CDH23: variants seen among roughly 807,000 people sequenced by gnomAD.
The protein encoded by CDH23 is cadherin related 23.
CDH23 carries 189 observed loss-of-function variants against 317.1 expected under a neutral mutation model. That is an observed-to-expected ratio of 0.60 (90% CI 0.53 to 0.67). The LOEUF (loss-of-function observed/expected upper bound fraction) is 0.67, where lower values mean the gene tolerates loss of function less well. Ranked by LOEUF, CDH23 falls within the 30% of genes least tolerant of loss-of-function variation. CDH23 has a pLI of 0.00. For missense variants in CDH23, 4,401 were observed against 4,592.4 expected, an observed-to-expected ratio of 0.96 and a Z score of 1.20; for synonymous variants, 1,839 against 1,876.8, an observed-to-expected ratio of 0.98 and a Z score of 0.52.
chr10:71,751,114 G>A lies in CDH23; in HGVS notation c.4845+9193G>A. On this transcript the variant is annotated intron_variant, in intron 38 of 69. Transcript: ENST00000224721. The surrounding 1 kb of genome is among the most constrained non-coding windows in gnomAD (Gnocchi z 4.9). Reference sequence around the variant, plus strand: ...AGAGGGGTTGAGGGGCTGGGCTTCTGGGATGTCACAGTATCTGAGCCCAGA... The same window carrying A: ...AGAGGGGTTGAGGGGCTGGGCTTCTAGGATGTCACAGTATCTGAGCCCAGA... The A allele has an allele frequency of 9.8e-7, 1 of 1,020,202 alleles. No homozygotes were observed. 63.2% of individuals were successfully genotyped at this position (1,020,202 alleles called of 1,614,324 possible).
intron 3 of CDH23, among the ~76,000 whole-genome samples, chr10:71,470,864 T>A (rs550145858): frequency 1.3e-5 from 2 of 152,360 alleles, no homozygotes; most frequent in East Asian, 3.9e-4. Flanking sequence ...ATTTTCCTAA[T>A]GATTAATGAT....
intron 38 of CDH23, among the ~76,000 whole-genome samples, chr10:71,776,163 C>A (rs1840812426): frequency 6.6e-6 from 1 of 152,212 alleles, no homozygotes; most frequent in South Asian, 2.1e-4. Context: ...CTTTTCAAGG[C>A]TGCCAACCCT....
chr10:71,784,201 T>TGG, intron 41 of CDH23, 86 bp from the exon 42 acceptor site: 1 of 1,451,426 alleles, frequency 6.9e-7, no homozygotes, highest in South Asian at 1.4e-5. Context: ...CGAGTGAGGC[T>TGG]TGCTAGAGGA....
At chr10:71,624,000 T>C (rs1861591057) in intron 11 of CDH23, among the ~76,000 whole-genome samples, 1 of 152,218 alleles carries the variant, frequency 6.6e-6, no homozygotes, top group Non-Finnish European at 1.5e-5. Flanking sequence ...TGTGCCTCAG[T>C]GTCTGCCTCT....
At chr10:71,495,312 ACCT>A (rs1012832023) in intron 3 of CDH23, among the ~76,000 whole-genome samples, 7 of 151,498 alleles carry the variant, frequency 4.6e-5, no homozygotes, top group African/African-American at 1.7e-4. Context: ...GACTTTTCTG[ACCT>A]CCTTCGCGGC....
intron 60 of CDH23, among the ~76,000 whole-genome samples, chr10:71,808,907 C>T (rs934625179): frequency 2.0e-5 from 3 of 152,166 alleles, no homozygotes; most frequent in Admixed American, 6.5e-5. Context: ...TCTTTGCCTT[C>T]GGATATCCCT....
At chr10:71,665,189 C>T (rs1217967215) in intron 14 of CDH23, among the ~76,000 whole-genome samples, 1 of 152,308 alleles carries the variant, frequency 6.6e-6, no homozygotes, top group East Asian at 1.9e-4. Context: ...TCAACATTCA[C>T]CCAGGTGCTC....
chr10:71,498,481 G>T (rs1291484736), intron 3 of CDH23, among the ~76,000 whole-genome samples: 1 of 152,232 alleles, frequency 6.6e-6, no homozygotes, highest in African/African-American at 2.4e-5. Context: ...AGTGTGCAGT[G>T]TGATAGATAT....
chr10:71,492,281 A>C (rs913678469), intron 3 of CDH23, among the ~76,000 whole-genome samples: 1 of 152,176 alleles, frequency 6.6e-6, no homozygotes, highest in Non-Finnish European at 1.5e-5. Context: ...CAGTTCCATG[A>C]TGTGGGGCCT....
At chr10:71,673,414 A>G (rs910845884) in intron 14 of CDH23, among the ~76,000 whole-genome samples, 3 of 152,354 alleles carry the variant, frequency 2.0e-5, no homozygotes, top group Admixed American at 6.5e-5. Flanking sequence ...AAGACCATGC[A>G]TTGATGACCA....
intron 11 of CDH23, among the ~76,000 whole-genome samples, chr10:71,636,516 A>G (rs1862285456): frequency 6.6e-6 from 1 of 152,174 alleles, no homozygotes; most frequent in South Asian, 2.1e-4. Flanking sequence ...CTCAGAGAAA[A>G]GAAAGAGCAC....
intron 6 of CDH23, among the ~76,000 whole-genome samples, chr10:71,523,841 G>A (rs1476905874): frequency 2.0e-5 from 3 of 152,190 alleles, no homozygotes; most frequent in African/African-American, 7.2e-5. Context: ...GGCTGGCGGG[G>A]TCTCATCCCG....
chr10:71,467,122 G>A (rs1851292045), intron 3 of CDH23, among the ~76,000 whole-genome samples: 2 of 152,100 alleles, frequency 1.3e-5, no homozygotes, highest in Admixed American at 6.5e-5. Flanking sequence ...TGGGCACAAG[G>A]CAGAATGGCT....
chr10:71,747,707 G>A (rs1344065053), intron 38 of CDH23: 1 of 152,386 alleles, frequency 6.6e-6, no homozygotes, highest in East Asian at 1.9e-4. Flanking sequence ...GTGAAAGTGT[G>A]TTGGAAAGCA....
At chr10:71,698,983 C>T (rs1468923474) in intron 22 of CDH23, among the ~76,000 whole-genome samples, 1 of 152,162 alleles carries the variant, frequency 6.6e-6, no homozygotes, top group Non-Finnish European at 1.5e-5. Flanking sequence ...TAGTAAGAGT[C>T]CCCACCCGAT....
chr10:71,506,530 C>T (rs1034567238), intron 3 of CDH23, among the ~76,000 whole-genome samples: 1 of 152,174 alleles, frequency 6.6e-6, no homozygotes, highest in Non-Finnish European at 1.5e-5. Flanking sequence ...AGATGGTTCT[C>T]CTGCATGGCT....
intron 3 of CDH23, among the ~76,000 whole-genome samples, chr10:71,505,990 G>C (rs1564621105): frequency 6.6e-6 from 1 of 152,286 alleles, no homozygotes; most frequent in African/African-American, 2.4e-5. Flanking sequence ...ATAAATAGCT[G>C]TCAACTGATC....
At chr10:71,520,802 C>G (rs978428152) in intron 6 of CDH23, among the ~76,000 whole-genome samples, 2 of 152,162 alleles carry the variant, frequency 1.3e-5, no homozygotes, top group African/African-American at 4.8e-5. Context: ...CTAACAAGTT[C>G]AAGTATTATC....
At chr10:71,732,502 G>C in intron 32 of CDH23, 127 bp downstream of exon 32, 5 of 1,404,796 alleles carry the variant, frequency 3.6e-6, no homozygotes, top group Non-Finnish European at 4.8e-6. Context: ...TGTGGTGTTA[G>C]GTACCTGTAG....
Sources: gnomAD v4.1 joint callset for allele counts (sites outside exome capture counted in the v4.1 genomes callset) on GRCh38, gnomAD v4.1.1 for gene constraint, Gnocchi (gnomAD v3.1) non-coding constraint, MANE v1.5 for transcripts, NCBI Gene and HGNC (gene_info 2026-07-23, HGNC 2026-07-21) for gene names.